Variants in PRKG1 observed in about 807,000 individuals in gnomAD.
The protein encoded by PRKG1 is cGMP-dependent protein kinase 1.
A neutral mutation model predicts 88.1 loss-of-function variants in PRKG1; 35 were observed. The observed-to-expected ratio is 0.40, with a 90% CI of 0.30 to 0.53. The LOEUF is 0.53. Among genes scored for constraint, PRKG1 ranks in the 20% least tolerant of loss-of-function variants. The pLI, the probability that PRKG1 is intolerant of heterozygous loss-of-function variation, is 0.59. For synonymous variants in PRKG1, 303 were observed against 292.5 expected (o/e 1.04, Z -0.37); for missense variants, 540 against 839.8 (o/e 0.64, Z 4.41).
intron 2 of PRKG1, among the ~76,000 whole-genome samples, chr10:51,238,834 G>A (rs1839073322): frequency 6.6e-6 from 1 of 151,494 alleles, no homozygotes; most frequent in South Asian, 2.1e-4. Flanking sequence ...AAGAGCTGCT[G>A]TGAAAATTCT....
intron 5 of PRKG1, among the ~76,000 whole-genome samples, chr10:51,951,496 T>C (rs1488161129): frequency 6.6e-6 from 1 of 152,208 alleles, no homozygotes; most frequent in Non-Finnish European, 1.5e-5. Flanking sequence ...ATGGCCTGAA[T>C]AGTTTGCAAG....
chr10:52,225,447 C>A (rs951667335), intron 9 of PRKG1, among the ~76,000 whole-genome samples: 5 of 152,174 alleles, frequency 3.3e-5, no homozygotes, highest in Non-Finnish European at 5.9e-5. Flanking sequence ...TCTGTTTACT[C>A]TGCTGACTGT....
chr10:52,149,048 CA>C (rs1447911816), intron 8 of PRKG1, among the ~76,000 whole-genome samples: 1 of 90,290 alleles, frequency 1.1e-5, no homozygotes, highest in Non-Finnish European at 2.2e-5. Flanking sequence ...AACAACAAAA[CA>C]ATAAGAAAGA....
intron 3 of PRKG1, among the ~76,000 whole-genome samples, chr10:51,606,421 A>G (rs1363004392): frequency 1.3e-5 from 2 of 152,182 alleles, no homozygotes; most frequent in East Asian, 3.9e-4. Flanking sequence ...TGCTATAGAA[A>G]TAAATGAGAA....
chr10:52,233,642 A>G (rs1840589721), intron 9 of PRKG1, among the ~76,000 whole-genome samples: 2 of 143,540 alleles, frequency 1.4e-5, no homozygotes, highest in African/African-American at 5.1e-5. Flanking sequence ...ACTATATCCC[A>G]CACCTGGCTC....
At chr10:51,603,328 A>G (rs917955814) in intron 3 of PRKG1, among the ~76,000 whole-genome samples, 2 of 152,162 alleles carry the variant, frequency 1.3e-5, no homozygotes, top group African/African-American at 4.8e-5. Context: ...GGGACTTTCA[A>G]ATCAACTAGT....
chr10:51,344,202 G>T (rs1842063084), intron 2 of PRKG1, among the ~76,000 whole-genome samples: 1 of 152,140 alleles, frequency 6.6e-6, no homozygotes, highest in South Asian at 2.1e-4. Flanking sequence ...ATGACAGAAG[G>T]CAAAGCGGGG....
chr10:51,938,999 T>C (rs1439912163), intron 5 of PRKG1, among the ~76,000 whole-genome samples: 2 of 152,042 alleles, frequency 1.3e-5, no homozygotes. Flanking sequence ...GAATGAATTT[T>C]ATAGTGTATG....
chr10:51,735,473 G>A (rs1232223883), intron 3 of PRKG1, among the ~76,000 whole-genome samples: 1 of 152,022 alleles, frequency 6.6e-6, no homozygotes, highest in East Asian at 1.9e-4. Flanking sequence ...TGTTTTTCAT[G>A]GTTCCCAGAA....
intron 4 of PRKG1, among the ~76,000 whole-genome samples, chr10:51,811,523 G>C (rs1439629832): frequency 1.3e-5 from 2 of 152,148 alleles, no homozygotes; most frequent in East Asian, 3.9e-4. Flanking sequence ...GAGTGTGAAA[G>C]TTTCTTCATT....
At chr10:52,101,070 AT>A (rs1847282542) in intron 7 of PRKG1, among the ~76,000 whole-genome samples, 1 of 152,174 alleles carries the variant, frequency 6.6e-6, no homozygotes, top group African/African-American at 2.4e-5. Context: ...TGCCATTCAT[AT>A]TGATGAATCT....
At chr10:51,510,649 G>C (rs1032315649) in intron 3 of PRKG1, among the ~76,000 whole-genome samples, 1 of 151,950 alleles carries the variant, frequency 6.6e-6, no homozygotes, top group Admixed American at 6.6e-5. Context: ...TATGATTAGA[G>C]AGGTCACTAG....
At position 51,718,351 on chromosome 10, in the gene PRKG1, G is replaced by A. The variant is rs989287684; in HGVS notation, c.593-86234G>A. ...CAGGGGAGCAGTCCAACAAGCTCAA[G>A]TGAAGACCAGGCCAGTGTGGCTATG... On this transcript the variant is annotated intron_variant, in intron 3 of 17. Coordinates refer to ENST00000373980, the MANE Select transcript of PRKG1 (RefSeq NM_006258.4). Among the ~76,000 whole-genome samples the A allele has an allele frequency of 7.9e-5, 12 of 152,164 alleles. No homozygotes were observed. The East Asian group carries it at 2.3e-3, about 29-fold the overall frequency.
chr10:52,216,659 T>G (rs1840120608), intron 9 of PRKG1, among the ~76,000 whole-genome samples: 1 of 152,206 alleles, frequency 6.6e-6, no homozygotes, highest in South Asian at 2.1e-4. Context: ...GGCTGGAATT[T>G]CTGATGCCAT....
chr10:52,292,996 A>G (rs1371735540), intron 17 of PRKG1, among the ~76,000 whole-genome samples: 2 of 152,094 alleles, frequency 1.3e-5, no homozygotes, highest in South Asian at 2.1e-4. Context: ...TGACATGATT[A>G]TATATACAGA....
At chr10:51,404,228 A>G (rs1305385787) in intron 2 of PRKG1, among the ~76,000 whole-genome samples, 1 of 152,232 alleles carries the variant, frequency 6.6e-6, no homozygotes, top group Non-Finnish European at 1.5e-5. Flanking sequence ...AAGTTATCAC[A>G]TGCTTAACAA....
intron 3 of PRKG1, among the ~76,000 whole-genome samples, chr10:51,613,404 C>T (rs1838963283): frequency 6.6e-6 from 1 of 151,628 alleles, no homozygotes; most frequent in African/African-American, 2.4e-5. Context: ...TATGGGTCTT[C>T]TCTCTTCTTG....
chr10:51,948,556 G>T (rs1442617299), intron 5 of PRKG1, among the ~76,000 whole-genome samples: 1 of 147,876 alleles, frequency 6.8e-6, no homozygotes, highest in Non-Finnish European at 1.5e-5. Flanking sequence ...GTGCGTGTGT[G>T]TGTGTGTAAT....
intron 7 of PRKG1, among the ~76,000 whole-genome samples, chr10:52,115,705 T>C (rs916162181): frequency 8.5e-5 from 13 of 152,150 alleles, no homozygotes; most frequent in African/African-American, 2.9e-4. Flanking sequence ...GCATTATAAT[T>C]GTCAAAAACT....
Sources: allele counts gnomAD v4.1 joint callset (sites outside exome capture counted in the v4.1 genomes callset), GRCh38; gene constraint gnomAD v4.1.1; transcripts MANE v1.5; gene names NCBI Gene and HGNC (gene_info 2026-07-23, HGNC 2026-07-21).